The following FXYD6 variants were observed in gnomAD, a reference collection of about 807,000 sequenced individuals.
FXYD6 encodes FXYD domain-containing ion transport regulator 6.
Under a neutral mutation model 16.7 loss-of-function variants are expected in FXYD6, and 7 were observed. The ratio of observed to expected loss-of-function variants is 0.42; its 90% CI spans 0.24 to 0.79. FXYD6 has a LOEUF of 0.79. FXYD6 is among the 30% of genes least tolerant of loss of function. The pLI is 0.28. For synonymous variants in FXYD6, 49 were observed against 43.0 expected (o/e 1.14, Z -0.54); for missense variants, 111 against 116.2 (o/e 0.95, Z 0.21).
chr11:117,839,609 G>C lies in FXYD6; in HGVS notation c.*21+172C>G. 5.9e-6 allele frequency: 4 copies of C among 683,156 alleles called. No individual in the cohort carries two copies. The South Asian group carries it at 7.8e-5, about 13-fold the overall frequency. The allele number at this position is 683,156 out of a possible 1,614,324, so 42.3% of individuals were successfully genotyped here. On this transcript the variant is annotated intron_variant, in intron 7 of 7. Transcript: ENST00000526014. ...GGACACTTCGGGTGTTTCTAGTCCT[G>C]GTCTCTCTCACAGCCCCTTTCAGAC... is the stretch of plus-strand genomic sequence containing the variant.
chr11:117,865,609 A>ACAGTC (rs1182465896), intron 1 of FXYD6, among the ~76,000 whole-genome samples: 2 of 152,232 alleles, frequency 1.3e-5, no homozygotes, highest in Admixed American at 6.5e-5. Context: ...GCTGAGGAGG[A>ACAGTC]ACATAAGAGT....
chr11:117,840,768 G>A (rs1312513194), intron 5 of FXYD6, among the ~76,000 whole-genome samples: 1 of 152,094 alleles, frequency 6.6e-6, no homozygotes, highest in Non-Finnish European at 1.5e-5. Context: ...CTCATGAACA[G>A]GTGACAAGTG....
rs1448527305 is a variant in FXYD6 at position 117,855,679 on chromosome 11, A to AGGAG, written c.-5-12902_-5-12899dup. On this transcript the variant is annotated intron_variant, in intron 1 of 7. Transcript: ENST00000526014. ...TCTAAGGAGTAGATGGAAGACAGGA[A>AGGAG]GGAGGAGTCACTGGGGGAAGGAGAT... Among the ~76,000 whole-genome samples the AGGAG allele has an allele frequency of 2.0e-5, 3 of 152,348 alleles. No individual in the cohort carries two copies. In the South Asian group the frequency reaches 6.2e-4, roughly 32 times the overall value.
rs190419648 is a variant in FXYD6, at chr11:117,838,156, G to T, written c.*143C>A. 2.9e-6 allele frequency: 2 copies of T among 701,398 alleles called. No homozygotes were observed. The highest frequency in any genetic ancestry group is 1.5e-5 in the South Asian group (1 of 67,526). 43.4% of individuals were successfully genotyped at this position (701,398 alleles called of 1,614,324 possible). A position where few individuals can be genotyped will look rare whatever the true frequency, so the allele number is the denominator to read the frequency against. On this transcript the variant is annotated 3_prime_UTR_variant, in exon 8 of 8. Transcript: ENST00000526014. The stretch of plus-strand genomic sequence containing the variant: ...TGGAGGAATGGTGTTAGAGGGGATA[G>T]GGTGGGGGACACACAAGTTCTTGGC...
chr11:117,839,738 C>T (rs764936731), intron 7 of FXYD6, 43 bp downstream of exon 7: 52 of 1,612,064 alleles, frequency 3.2e-5, no homozygotes, highest in Middle Eastern at 1.6e-4. Flanking sequence ...CTGATGCAGA[C>T]GGTGATGGCA....
intron 5 of FXYD6, among the ~76,000 whole-genome samples, chr11:117,840,918 C>T (rs1413988672): frequency 1.3e-5 from 2 of 152,066 alleles, no homozygotes; most frequent in African/African-American, 4.8e-5. Context: ...CTCCCCGTCC[C>T]CCACATAGAT....
At chr11:117,858,619 C>T (rs2056793707) in intron 1 of FXYD6, among the ~76,000 whole-genome samples, 1 of 150,494 alleles carries the variant, frequency 6.6e-6, no homozygotes, top group Admixed American at 6.6e-5. Context: ...GTCGATTCTG[C>T]TTCATTTTCT....
chr11:117,855,666 A>G (rs1054167140), intron 1 of FXYD6, among the ~76,000 whole-genome samples: 3 of 152,198 alleles, frequency 2.0e-5, no homozygotes, highest in African/African-American at 7.2e-5. Flanking sequence ...TAAGGAGTAG[A>G]TGGAAGACAG....
At chr11:117,859,661 A>C (rs769256540) in intron 1 of FXYD6, among the ~76,000 whole-genome samples, 2 of 152,184 alleles carry the variant, frequency 1.3e-5, no homozygotes, top group East Asian at 1.9e-4. Flanking sequence ...GGAGGCCTTA[A>C]AAAGCCTTCA....
chr11:117,841,049 A>C, intron 5 of FXYD6, 99 bp downstream of exon 5: 3 of 1,491,116 alleles, frequency 2.0e-6, no homozygotes, highest in East Asian at 2.3e-5. Flanking sequence ...CTCCGAGACA[A>C]GAATCCAAGA....
chr11:117,863,138 A>G (rs2056945071), intron 1 of FXYD6, among the ~76,000 whole-genome samples: 1 of 152,202 alleles, frequency 6.6e-6, no homozygotes, highest in African/African-American at 2.4e-5. Flanking sequence ...CCAAGGCCCA[A>G]CAGCTAACAA....
chr11:117,875,187 CGGTGTGTTT>C (rs1016610713), intron 1 of FXYD6, among the ~76,000 whole-genome samples: 3 of 151,596 alleles, frequency 2.0e-5, no homozygotes, highest in African/African-American at 4.9e-5. Flanking sequence ...GGTATATATG[CGGTGTGTTT>C]GGTGTGTATG....
intron 2 of FXYD6, 197 bp from the exon 3 acceptor site, chr11:117,842,225 A>G (rs2056364722): frequency 5.8e-6 from 4 of 693,412 alleles, no homozygotes; most frequent in Admixed American, 5.8e-5. Flanking sequence ...GGCCGAGGTC[A>G]GTGAAGGCAT....
intron 1 of FXYD6, among the ~76,000 whole-genome samples, chr11:117,875,672 G>A (rs905706609): frequency 1.3e-5 from 2 of 152,224 alleles, no homozygotes; most frequent in Admixed American, 6.5e-5. Context: ...CGAAGCCACA[G>A]AGACAAAGGA....
chr11:117,869,602 GA>G (rs1384316090), intron 1 of FXYD6, among the ~76,000 whole-genome samples: 1 of 152,120 alleles, frequency 6.6e-6, no homozygotes, highest in African/African-American at 2.4e-5. Flanking sequence ...TTTTAACCTG[GA>G]GGCACCTTTA....
At chr11:117,849,455 TG>T (rs1231997485) in intron 1 of FXYD6, among the ~76,000 whole-genome samples, 1 of 152,226 alleles carries the variant, frequency 6.6e-6, no homozygotes, top group East Asian at 1.9e-4. Context: ...CATATGTGCT[TG>T]GAAAATTGTG....
At chr11:117,838,539 T>G in intron 7 of FXYD6, 2 of 504,568 alleles carry the variant, frequency 4.0e-6, no homozygotes, top group South Asian at 2.9e-5. Context: ...TCCTGAGCCT[T>G]AGGATAAAAG....
chr11:117,855,843 T>G (rs1479579532), intron 1 of FXYD6, among the ~76,000 whole-genome samples: 1 of 151,984 alleles, frequency 6.6e-6, no homozygotes, highest in Admixed American at 6.6e-5. Context: ...ACTGCTGGAG[T>G]GGGGGACTCC....
intron 1 of FXYD6, among the ~76,000 whole-genome samples, chr11:117,857,698 C>T (rs991100394): frequency 7.2e-5 from 11 of 152,270 alleles, no homozygotes; most frequent in Admixed American, 2.0e-4. Flanking sequence ...TGAGCCACCA[C>T]ACCCGGCCCA....
Sources: gnomAD v4.1 joint callset for allele counts (sites outside exome capture counted in the v4.1 genomes callset) on GRCh38, gnomAD v4.1.1 for gene constraint, MANE v1.5 for transcripts, NCBI Gene and HGNC (gene_info 2026-07-23, HGNC 2026-07-21) for gene names.